Variants in YTHDC1 observed in about 807,000 individuals in gnomAD.
YTHDC1 encodes YTH N6-methyladenosine RNA binding protein C1.
YTHDC1 carries 12 observed loss-of-function variants against 107.0 expected under a neutral mutation model. The ratio of observed to expected loss-of-function variants is 0.11; its 90% CI spans 0.07 to 0.18. The LOEUF (loss-of-function observed/expected upper bound fraction) is 0.18, where lower values mean the gene tolerates loss of function less well. Among genes scored for constraint, YTHDC1 ranks in the 10% least tolerant of loss-of-function variants. YTHDC1 has a pLI of 1.00. For missense variants in YTHDC1, 635 were observed against 898.8 expected (o/e 0.71, Z 3.75); for synonymous variants, 280 against 289.5 (o/e 0.97, Z 0.33).
At position 68,333,413 on chromosome 4, in the gene YTHDC1, G is replaced by GTTT; in HGVS notation, c.884-19_884-17dup. On this transcript the variant is annotated splice_polypyrimidine_tract_variant and intron_variant, in intron 4 of 16. Coordinates refer to ENST00000344157, the MANE Select transcript of YTHDC1 (RefSeq NM_001031732.4). ...TTTTTCTCATCTAAAAAGAACAAGAGTTTTTTTTTTAAATCACAATACAGA... is the reference window on the plus strand; with the variant it reads ...TTTTTCTCATCTAAAAAGAACAAGAGTTTTTTTTTTTTTAAATCACAATACAGA... The GTTT allele has an allele frequency of 1.4e-6, 2 of 1,415,952 alleles. No individual in the cohort carries two copies. Among genetic ancestry groups the GTTT allele is most frequent in the South Asian group, 1.3e-5 (1 of 77,250 alleles). 87.7% of individuals were successfully genotyped at this position (1,415,952 alleles called of 1,614,324 possible). A position where few individuals can be genotyped will look rare whatever the true frequency, so the allele number is the denominator to read the frequency against.
chr4:68,341,713 C>T (rs932959862), intron 1 of YTHDC1, among the ~76,000 whole-genome samples: 4 of 152,248 alleles, frequency 2.6e-5, no homozygotes, highest in African/African-American at 7.2e-5. Flanking sequence ...TACTTTTCTC[C>T]ATCACTGAAA....
intron 16 of YTHDC1, 92 bp from the exon 17 acceptor site, chr4:68,314,415 T>C: frequency 2.8e-6 from 3 of 1,080,370 alleles, no homozygotes; most frequent in South Asian, 4.1e-5. Context: ...TATAAACAAT[T>C]TTAAAATATA....
At chr4:68,344,868 T>A (rs979261991) in intron 1 of YTHDC1, among the ~76,000 whole-genome samples, 2 of 152,056 alleles carry the variant, frequency 1.3e-5, no homozygotes, top group Non-Finnish European at 2.9e-5. Flanking sequence ...AAACCCCATC[T>A]CTACAAAAAA....
At chr4:68,339,342 A>G (rs79679806) in intron 1 of YTHDC1, among the ~76,000 whole-genome samples, 6,593 of 152,334 alleles carry the variant, frequency 0.043, 445 homozygotes, top group African/African-American at 0.15. Context: ...TGAAACAAAG[A>G]GTAAGAACTA....
chr4:68,327,086 AT>A (rs1723072338), intron 9 of YTHDC1, among the ~76,000 whole-genome samples: 1 of 151,508 alleles, frequency 6.6e-6, no homozygotes, highest in Non-Finnish European at 1.5e-5. Flanking sequence ...AAAATAAAAA[AT>A]TAGCCGGGCG....
chr4:68,345,512 C>A (rs1255549693), intron 1 of YTHDC1, among the ~76,000 whole-genome samples: 3 of 152,052 alleles, frequency 2.0e-5, no homozygotes, highest in Non-Finnish European at 4.4e-5. Context: ...TACATTTAGA[C>A]CAGTTTCTCA....
chr4:68,316,284 CCT>C, intron 16 of YTHDC1, 28 bp downstream of exon 16: 2 of 1,598,276 alleles, frequency 1.3e-6, no homozygotes, highest in Non-Finnish European at 1.7e-6. Context: ...TAAGTAGTTC[CCT>C]CACACCTTTG....
chr4:68,346,837 C>A (rs1725497728), intron 1 of YTHDC1, among the ~76,000 whole-genome samples: 1 of 152,076 alleles, frequency 6.6e-6, no homozygotes, highest in Admixed American at 6.6e-5. Context: ...AATTAAACTT[C>A]ATCATAGGTA....
intron 4 of YTHDC1, among the ~76,000 whole-genome samples, chr4:68,335,759 T>A (rs1724088371): frequency 6.6e-6 from 1 of 151,874 alleles, no homozygotes; most frequent in South Asian, 2.1e-4. Flanking sequence ...AAATATATCC[T>A]ATCAGTTTGT....
At chr4:68,333,183 A>G in intron 5 of YTHDC1, 125 bp downstream of exon 5, 1 of 699,230 alleles carries the variant, frequency 1.4e-6, no homozygotes, top group South Asian at 2.0e-5. Context: ...GAATTATTAC[A>G]CTGAACATGC....
Position 68,318,504 on chromosome 4 carries a change from T to C in YTHDC1, c.1824+15A>G, listed in dbSNP as rs750184542. The stretch of plus-strand genomic sequence containing the variant: ...AATTAAGTTATGTAACTTATAAAAA[T>C]AGAATAATACAAACCATTCCTTGCC... On this transcript the variant is annotated intron_variant, in intron 15 of 16. Coordinates refer to ENST00000344157, the MANE Select transcript of YTHDC1 (RefSeq NM_001031732.4). The C allele has an allele frequency of 3.8e-6, 6 of 1,590,850 alleles. No individual in the cohort carries two copies. The highest frequency in any genetic ancestry group is 4.5e-5 in the East Asian group (2 of 44,648).
At chr4:68,324,324 T>G (rs1480813003) in intron 9 of YTHDC1, 101 bp from the exon 10 acceptor site, 28 of 1,046,496 alleles carry the variant, frequency 2.7e-5, no homozygotes, top group Non-Finnish European at 3.7e-5. Flanking sequence ...GACTTAAATG[T>G]GACTAAATTT....
rs1482451628 is a variant in YTHDC1, at chr4:68,314,668, C to CTAT, written c.1960-348_1960-346dup. Among the ~76,000 whole-genome samples, 3 of 152,206 alleles carry CTAT rather than the reference C, an allele frequency of 2.0e-5. No individual in the cohort carries two copies. The East Asian group carries it at 5.8e-4, about 29-fold the overall frequency. On this transcript the variant is annotated intron_variant, in intron 16 of 16. Coordinates refer to ENST00000344157, the MANE Select transcript of YTHDC1 (RefSeq NM_001031732.4). ...GATATTAACTAGTGATGACCTTCAACTATTATCCATATATACTGCCAATTA... is the reference window on the plus strand; with the variant it reads ...GATATTAACTAGTGATGACCTTCAACTATTATTATCCATATATACTGCCAATTA...
At chr4:68,346,924 G>A (rs764645624) in intron 1 of YTHDC1, among the ~76,000 whole-genome samples, 4 of 152,126 alleles carry the variant, frequency 2.6e-5, no homozygotes, top group Admixed American at 2.0e-4. Flanking sequence ...GTGGATCTTA[G>A]AACGTATTTA....
intron 15 of YTHDC1, among the ~76,000 whole-genome samples, chr4:68,317,958 T>C (rs1722039830): frequency 2.0e-5 from 3 of 152,152 alleles, no homozygotes; most frequent in Admixed American, 6.6e-5. Flanking sequence ...AAAAGAAATA[T>C]ATCTGAACCC....
intron 1 of YTHDC1, among the ~76,000 whole-genome samples, chr4:68,340,467 A>G (rs1005360186): frequency 1.3e-5 from 2 of 152,108 alleles, no homozygotes; most frequent in Non-Finnish European, 2.9e-5. Flanking sequence ...CAAACAAAAA[A>G]GCTTCTCTCA....
At chr4:68,338,532 G>C in intron 1 of YTHDC1, 148 bp from the exon 2 acceptor site, 1 of 585,542 alleles carries the variant, frequency 1.7e-6, no homozygotes, top group Non-Finnish European at 2.9e-6. Context: ...CAAGACACAA[G>C]ATTAATTTCT....
intron 1 of YTHDC1, among the ~76,000 whole-genome samples, chr4:68,338,786 G>A (rs1724503354): frequency 6.6e-6 from 1 of 152,178 alleles, no homozygotes; most frequent in African/African-American, 2.4e-5. Context: ...GGAAGCAGAG[G>A]TTGCAGTAAG....
At chr4:68,332,415 T>A (rs1723691610) in intron 6 of YTHDC1, among the ~76,000 whole-genome samples, 1 of 152,104 alleles carries the variant, frequency 6.6e-6, no homozygotes, top group African/African-American at 2.4e-5. Context: ...CTAGTGATGT[T>A]CCGATATATC....
Sources: allele counts gnomAD v4.1 joint callset (sites outside exome capture counted in the v4.1 genomes callset), GRCh38; gene constraint gnomAD v4.1.1; transcripts MANE v1.5; gene names NCBI Gene and HGNC (gene_info 2026-07-23, HGNC 2026-07-21).